KCNQ3: variants seen among roughly 807,000 people sequenced by gnomAD.
KCNQ3 encodes potassium voltage-gated channel subfamily KQT member 3.
Under a neutral mutation model 92.5 loss-of-function variants are expected in KCNQ3, and 30 were observed. The observed-to-expected ratio is 0.32, with a 90% CI of 0.24 to 0.44. KCNQ3 has a LOEUF of 0.44. KCNQ3 is among the 20% of genes least tolerant of loss of function. KCNQ3 has a pLI of 1.00. For missense variants in KCNQ3, 913 were observed against 1,140.3 expected (o/e 0.80, Z 2.87); for synonymous variants, 450 against 468.8 (o/e 0.96, Z 0.52).
At chr8:132,391,590 G>A (rs1446752335) in intron 1 of KCNQ3, among the ~76,000 whole-genome samples, 2 of 152,136 alleles carry the variant, frequency 1.3e-5, no homozygotes, top group African/African-American at 4.8e-5. Flanking sequence ...ACTCTGCAAG[G>A]ATACACTTGG....
intron 6 of KCNQ3, among the ~76,000 whole-genome samples, 158 bp downstream of exon 6, chr8:132,174,081 C>A (rs1249086573): frequency 6.6e-6 from 1 of 152,020 alleles, no homozygotes; most frequent in Non-Finnish European, 1.5e-5. Context: ...AGCAGCAGGG[C>A]CTGTGGCAAA....
chr8:132,189,909 G>A (rs202109840), intron 1 of KCNQ3, among the ~76,000 whole-genome samples: 1,330 of 49,512 alleles, frequency 0.027, 3 homozygotes, highest in African/African-American at 0.068. Context: ...AAAAAAAAAA[G>A]AGAGAGAGAG....
At chr8:132,152,730 C>T (rs1427072303) in intron 9 of KCNQ3, among the ~76,000 whole-genome samples, 1 of 152,126 alleles carries the variant, frequency 6.6e-6, no homozygotes, top group South Asian at 2.1e-4. Context: ...CCCAGGAGTT[C>T]CAAGTTTATC....
chr8:132,448,761 G>A lies in KCNQ3; in HGVS notation c.386+31386C>T, dbSNP rs182352108. 5.8e-4 allele frequency among the ~76,000 whole-genome samples: 88 copies of A among 152,282 alleles called. No individual in the cohort carries two copies. In the East Asian group the frequency reaches 7.7e-3, roughly 13 times the overall value. On this transcript the variant is annotated intron_variant, in intron 1 of 14. Transcript: ENST00000388996. ...CCAAACTTCCAAGTATGTTGGCATGGGTTGATGGACTTAAATTTTTAATCC... is the reference window on the plus strand; with the variant it reads ...CCAAACTTCCAAGTATGTTGGCATGAGTTGATGGACTTAAATTTTTAATCC...
At chr8:132,455,843 G>A (rs1044387155) in intron 1 of KCNQ3, among the ~76,000 whole-genome samples, 4 of 152,030 alleles carry the variant, frequency 2.6e-5, no homozygotes, top group Non-Finnish European at 4.4e-5. Context: ...CCGAGTTCAC[G>A]CCATTCTCCT....
chr8:132,436,310 A>C (rs1342604156), intron 1 of KCNQ3, among the ~76,000 whole-genome samples: 1 of 152,240 alleles, frequency 6.6e-6, no homozygotes, highest in Non-Finnish European at 1.5e-5. Context: ...TATATCACAG[A>C]AGATGCTATA....
chr8:132,159,906 A>G (rs933924544), intron 9 of KCNQ3, among the ~76,000 whole-genome samples: 3 of 152,166 alleles, frequency 2.0e-5, no homozygotes, highest in Non-Finnish European at 4.4e-5. Context: ...CTGTCTCACA[A>G]AGTTAATATC....
At chr8:132,442,826 G>T (rs1433479275) in intron 1 of KCNQ3, among the ~76,000 whole-genome samples, 2 of 152,152 alleles carry the variant, frequency 1.3e-5, no homozygotes, top group Non-Finnish European at 2.9e-5. Flanking sequence ...GCAACCTGAA[G>T]CTTTAACAGG....
chr8:132,390,338 G>A (rs184748322), intron 1 of KCNQ3, among the ~76,000 whole-genome samples: 141 of 152,302 alleles, frequency 9.3e-4, no homozygotes, highest in African/African-American at 3.3e-3. Flanking sequence ...AGTAGAAAGG[G>A]ACAGTGCAGC....
At chr8:132,314,013 G>A (rs1817671632) in intron 1 of KCNQ3, among the ~76,000 whole-genome samples, 1 of 152,128 alleles carries the variant, frequency 6.6e-6, no homozygotes, top group African/African-American at 2.4e-5. Flanking sequence ...TAATACAATA[G>A]TAAGCACAGA....
At chr8:132,174,999 T>G (rs1307131031) in intron 5 of KCNQ3, among the ~76,000 whole-genome samples, 1 of 152,192 alleles carries the variant, frequency 6.6e-6, no homozygotes, top group Non-Finnish European at 1.5e-5. Flanking sequence ...GAGTTTAAAG[T>G]AGGTTAGTGA....
rs4736574 is a variant in KCNQ3 at position 132,360,811 on chromosome 8, C to T, written c.386+119336G>A. 6.4e-4 allele frequency among the ~76,000 whole-genome samples: 98 copies of T among 152,148 alleles called. 1 individual carries two copies. Among genetic ancestry groups the T allele is most frequent in the Admixed American group, 2.3e-3 (35 of 15,286 alleles). ...TTTGATCTTCAGAATATAAGTGTCA[C>T]GAAGGTATAAACTTGATATCTTTTG... is the stretch of plus-strand genomic sequence containing the variant. On this transcript the variant is annotated intron_variant, in intron 1 of 14. Transcript: ENST00000388996.
intron 1 of KCNQ3, among the ~76,000 whole-genome samples, chr8:132,189,839 G>A (rs1007615652): frequency 5.2e-4 from 43 of 82,258 alleles, no homozygotes; most frequent in African/African-American, 3.0e-3. Flanking sequence ...AAAAAAAAAA[G>A]TTATCCAAAA....
rs73708602 is a variant in KCNQ3 at position 132,256,537 on chromosome 8, T to C, written c.387-70356A>G. On this transcript the variant is annotated intron_variant, in intron 1 of 14. Coordinates refer to ENST00000388996, the MANE Select transcript of KCNQ3 (RefSeq NM_004519.4). ...AATCCAAGTAGATAAACTTAGTGAA[T>C]CAGAGCTAGATACCACATAATAAAA... Among the ~76,000 whole-genome samples the C allele has an allele frequency of 7.9e-3, 1,210 of 152,244 alleles. 16 individuals are homozygous for C. The highest frequency in any genetic ancestry group is 0.028 in the African/African-American group (1,162 of 41,554).
chr8:132,440,718 AC>A (rs1319103093), intron 1 of KCNQ3, among the ~76,000 whole-genome samples: 1 of 152,162 alleles, frequency 6.6e-6, no homozygotes, highest in Non-Finnish European at 1.5e-5. Flanking sequence ...CTGTGCACAC[AC>A]AGGAGGGGGG....
At chr8:132,172,555 A>G (rs199844026) in intron 7 of KCNQ3, 43 bp downstream of exon 7, 7 of 1,531,114 alleles carry the variant, frequency 4.6e-6, no homozygotes, top group African/African-American at 4.1e-5. Flanking sequence ...GTACATATGC[A>G]TGGATCTTAA....
intron 1 of KCNQ3, among the ~76,000 whole-genome samples, chr8:132,416,454 C>A (rs1820810602): frequency 6.6e-6 from 1 of 152,016 alleles, no homozygotes; most frequent in Non-Finnish European, 1.5e-5. Context: ...ATGGTGAAAC[C>A]TCATCTCTAC....
intron 1 of KCNQ3, among the ~76,000 whole-genome samples, chr8:132,442,161 A>G (rs1821555102): frequency 6.6e-6 from 1 of 152,160 alleles, no homozygotes; most frequent in African/African-American, 2.4e-5. Flanking sequence ...AATAATCTGT[A>G]CAACAAACCC....
chr8:132,156,578 G>A (rs1825801397), intron 9 of KCNQ3, among the ~76,000 whole-genome samples: 1 of 152,112 alleles, frequency 6.6e-6, no homozygotes, highest in African/African-American at 2.4e-5. Context: ...ATCCCCAGTG[G>A]TGTAGGGGGA....
Sources: gnomAD v4.1 joint callset for allele counts (sites outside exome capture counted in the v4.1 genomes callset) on GRCh38, gnomAD v4.1.1 for gene constraint, MANE v1.5 for transcripts, NCBI Gene and HGNC (gene_info 2026-07-23, HGNC 2026-07-21) for gene names.